The following RTL4 variants were observed in gnomAD, a reference collection of about 807,000 sequenced individuals.
RTL4 encodes retrotransposon Gag-like protein 4.
A neutral mutation model predicts 5.3 loss-of-function variants in RTL4; 4 were observed. That is an observed-to-expected ratio of 0.75 (90% CI 0.37 to 1.72). The LOEUF is 1.72. Among genes scored for constraint, RTL4 ranks in the 40% most tolerant of loss-of-function variants. RTL4 has a pLI of 0.04. For missense variants in RTL4, 260 were observed against 227.1 expected, an observed-to-expected ratio of 1.14 and a Z score of -0.93; for synonymous variants, 98 against 87.3, an observed-to-expected ratio of 1.12 and a Z score of -0.68.
chrX:112,113,184 C>A, the RTL4 span, among the ~76,000 whole-genome samples: 1 of 110,470 alleles, frequency 9.1e-6, no homozygotes, highest in African/African-American at 3.3e-5. Context: ...GTCTTTTAGC[C>A]TGATTTAGAC....
the RTL4 span, among the ~76,000 whole-genome samples, chrX:112,156,219 G>A: frequency 2.7e-5 from 3 of 112,101 alleles, no homozygotes; most frequent in Non-Finnish European, 5.6e-5. Context: ...CTTCAGACAC[G>A]AACTCCAGAA....
chrX:112,185,627 T>A, the RTL4 span, among the ~76,000 whole-genome samples: 1 of 105,572 alleles, frequency 9.5e-6, no homozygotes, highest in African/African-American at 3.5e-5. Flanking sequence ...TCTCTCTCCC[T>A]CTCTCTCTCT....
the RTL4 span, among the ~76,000 whole-genome samples, chrX:112,350,984 C>T: frequency 9.0e-6 from 1 of 111,288 alleles, no homozygotes; most frequent in Non-Finnish European, 1.9e-5. Flanking sequence ...GATCTTTCCT[C>T]CTTTCTCCTG....
the RTL4 span, among the ~76,000 whole-genome samples, chrX:112,369,811 C>T: frequency 9.0e-6 from 1 of 111,437 alleles, no homozygotes; most frequent in East Asian, 2.9e-4. Context: ...GTGGCCAAAA[C>T]CAGCATGGTA....
At chrX:112,125,085 T>A in the RTL4 span, among the ~76,000 whole-genome samples, 12 of 106,920 alleles carry the variant, frequency 1.1e-4, no homozygotes, top group Admixed American at 3.0e-4. Context: ...TTTTTTTTTT[T>A]ATTAGAGATG....
At chrX:112,106,866 T>C in the RTL4 span, among the ~76,000 whole-genome samples, 1 of 112,065 alleles carries the variant, frequency 8.9e-6, no homozygotes, top group Non-Finnish European at 1.9e-5. Context: ...GATTATTTTT[T>C]CTTTGTTTTG....
At chrX:112,456,954 A>C (rs1484742483) in exon 1 of RTL4, 1 of 123,329 alleles carries the variant, frequency 8.1e-6, no homozygotes, top group Non-Finnish European at 1.9e-5. Context: ...TTATGCTAGA[A>C]AGGCAAAACT....
chrX:112,261,890 A>G, the RTL4 span, among the ~76,000 whole-genome samples: 1 of 111,410 alleles, frequency 9.0e-6, no homozygotes, highest in Non-Finnish European at 1.9e-5. Context: ...ATAATACCAC[A>G]CATCTACAAC....
At chrX:112,155,771 A>G in the RTL4 span, among the ~76,000 whole-genome samples, 2 of 111,409 alleles carry the variant, frequency 1.8e-5, no homozygotes, top group Admixed American at 1.9e-4. Flanking sequence ...TGATTTTGCC[A>G]TTTTTTTCCA....
chrX:112,332,686 TG>T, the RTL4 span, among the ~76,000 whole-genome samples: 1 of 33,810 alleles, frequency 3.0e-5, no homozygotes, highest in Non-Finnish European at 5.3e-5. Context: ...TGTTGTGGGG[TG>T]GGGGGAGGGA....
chrX:112,281,148 A>G, the RTL4 span, among the ~76,000 whole-genome samples: 1 of 111,530 alleles, frequency 9.0e-6, no homozygotes, highest in Admixed American at 9.6e-5. Context: ...CATCTCCTGA[A>G]CCATTCCTCC....
At chrX:112,420,938 C>G in the RTL4 span, among the ~76,000 whole-genome samples, 1 of 111,380 alleles carries the variant, frequency 9.0e-6, no homozygotes, top group Non-Finnish European at 1.9e-5. Flanking sequence ...GGGTAAAAAC[C>G]ATTTACGCAT....
chrX:112,156,871 G>A, the RTL4 span, among the ~76,000 whole-genome samples: 1 of 111,323 alleles, frequency 9.0e-6, no homozygotes, highest in South Asian at 3.8e-4. Flanking sequence ...CTGGGTTATG[G>A]ACTGGAGGGT....
the RTL4 span, among the ~76,000 whole-genome samples, chrX:112,220,554 A>G: frequency 8.9e-6 from 1 of 112,856 alleles, no homozygotes; most frequent in Non-Finnish European, 1.9e-5. Flanking sequence ...ACTTATACAA[A>G]TTTCTGCAGC....
At chrX:112,285,372 A>G in the RTL4 span, among the ~76,000 whole-genome samples, 1 of 112,204 alleles carries the variant, frequency 8.9e-6, no homozygotes, top group South Asian at 3.7e-4. Context: ...CAAATCATGA[A>G]CCATAATAAA....
chrX:112,372,129 A>G, the RTL4 span, among the ~76,000 whole-genome samples: 1 of 110,900 alleles, frequency 9.0e-6, no homozygotes, highest in Non-Finnish European at 1.9e-5. Flanking sequence ...TCCAATCACT[A>G]TCTCATTCTT....
At chrX:112,183,249 C>T in the RTL4 span, among the ~76,000 whole-genome samples, 1 of 111,995 alleles carries the variant, frequency 8.9e-6, no homozygotes, top group South Asian at 3.7e-4. Flanking sequence ...GAAGAAACTG[C>T]ATCAACTAAC....
chrX:112,361,347 C>G, the RTL4 span, among the ~76,000 whole-genome samples: 1 of 111,445 alleles, frequency 9.0e-6, no homozygotes. Flanking sequence ...TTCCTAGGCT[C>G]TCTGTTTTTA....
At chrX:112,247,722 A>C in the RTL4 span, among the ~76,000 whole-genome samples, 1 of 112,355 alleles carries the variant, frequency 8.9e-6, no homozygotes, top group Non-Finnish European at 1.9e-5. Flanking sequence ...TCCTTCCACT[A>C]TGCCATGCCA....
Sources: allele counts gnomAD v4.1 joint callset (sites outside exome capture counted in the v4.1 genomes callset), GRCh38; gene constraint gnomAD v4.1.1; transcripts MANE v1.5; gene names NCBI Gene and HGNC (gene_info 2026-07-23, HGNC 2026-07-21).